The following SPMIP2 variants were observed in gnomAD, a reference collection of about 807,000 sequenced individuals.
The protein encoded by SPMIP2 is protein SPMIP2.
At chr4:158,952,351 GTTT>G in the SPMIP2 span, among the ~76,000 whole-genome samples, 1 of 152,136 alleles carries the variant, frequency 6.6e-6, no homozygotes, top group Non-Finnish European at 1.5e-5. Context: ...CATGGGGGTG[GTTT>G]TCCCCATATT....
the SPMIP2 span, among the ~76,000 whole-genome samples, chr4:159,009,197 A>G: frequency 2.0e-5 from 3 of 152,226 alleles, no homozygotes; most frequent in Admixed American, 6.5e-5. Flanking sequence ...TGATTATAGC[A>G]TGGCTTCTCA....
At chr4:159,074,876 G>A in the SPMIP2 span, among the ~76,000 whole-genome samples, 1 of 152,130 alleles carries the variant, frequency 6.6e-6, no homozygotes, top group Non-Finnish European at 1.5e-5. Context: ...GCTTAATAAA[G>A]AGACTATTTA....
At chr4:159,035,448 T>C in the SPMIP2 span, among the ~76,000 whole-genome samples, 4 of 152,152 alleles carry the variant, frequency 2.6e-5, no homozygotes, top group Non-Finnish European at 5.9e-5. Flanking sequence ...GTCACCACTG[T>C]CTTTCAACAT....
chr4:159,019,533 TG>T, the SPMIP2 span, among the ~76,000 whole-genome samples: 1 of 152,096 alleles, frequency 6.6e-6, no homozygotes, highest in East Asian at 1.9e-4. Context: ...TTCTGTTTGG[TG>T]CTTATCTGAA....
At chr4:158,960,818 G>C in the SPMIP2 span, among the ~76,000 whole-genome samples, 1 of 151,722 alleles carries the variant, frequency 6.6e-6, no homozygotes, top group Admixed American at 6.6e-5. Context: ...ACTCCTTTCA[G>C]AAGGCATAAT....
At chr4:158,987,711 A>G in the SPMIP2 span, among the ~76,000 whole-genome samples, 5 of 152,132 alleles carry the variant, frequency 3.3e-5, no homozygotes, top group African/African-American at 1.2e-4. Flanking sequence ...GCACACCAGC[A>G]TGGCACATGT....
the SPMIP2 span, among the ~76,000 whole-genome samples, chr4:158,954,878 G>A: frequency 2.0e-5 from 3 of 152,128 alleles, no homozygotes; most frequent in African/African-American, 7.2e-5. Context: ...CTGCCAATTC[G>A]TTGTTTGCTA....
the SPMIP2 span, among the ~76,000 whole-genome samples, chr4:158,952,727 A>G: frequency 6.6e-6 from 1 of 152,244 alleles, no homozygotes; most frequent in Admixed American, 6.5e-5. Flanking sequence ...GGCTTTGACC[A>G]GAAACCTGAT....
chr4:159,043,069 C>T, the SPMIP2 span, among the ~76,000 whole-genome samples: 1 of 152,328 alleles, frequency 6.6e-6, no homozygotes, highest in East Asian at 1.9e-4. Context: ...ATTCTTTCTA[C>T]CACTTAGCAA....
the SPMIP2 span, among the ~76,000 whole-genome samples, chr4:159,010,316 G>A: frequency 1.5e-4 from 23 of 152,320 alleles, no homozygotes; most frequent in Middle Eastern, 3.4e-3. Flanking sequence ...TTCACAGCAC[G>A]TGTTCATCCA....
At chr4:159,064,343 C>G in the SPMIP2 span, 6 of 151,992 alleles carry the variant, frequency 3.9e-5, no homozygotes, top group Admixed American at 3.9e-4. Flanking sequence ...AAGAGTAGAA[C>G]AAGGAGTTTG....
the SPMIP2 span, among the ~76,000 whole-genome samples, chr4:159,015,609 A>G: frequency 3.0e-4 from 46 of 152,254 alleles, no homozygotes; most frequent in African/African-American, 1.0e-3. Flanking sequence ...CAAGAGAAAC[A>G]GTCTATTCTA....
chr4:159,017,554 C>T, the SPMIP2 span, among the ~76,000 whole-genome samples: 1 of 152,046 alleles, frequency 6.6e-6, no homozygotes, highest in African/African-American at 2.4e-5. Context: ...GTGATTCCTC[C>T]CACCCCACCT....
chr4:158,947,534 G>A, the SPMIP2 span, among the ~76,000 whole-genome samples: 1 of 152,174 alleles, frequency 6.6e-6, no homozygotes, highest in African/African-American at 2.4e-5. Context: ...CAATTTAGGA[G>A]CCCTAACTAC....
At chr4:158,901,424 T>A in the SPMIP2 span, among the ~76,000 whole-genome samples, 1 of 152,156 alleles carries the variant, frequency 6.6e-6, no homozygotes, top group Non-Finnish European at 1.5e-5. Flanking sequence ...TTAACATTTT[T>A]TTCCTTCATT....
At chr4:158,895,854 TGTC>T in the SPMIP2 span, 2 of 1,611,764 alleles carry the variant, frequency 1.2e-6, no homozygotes, top group African/African-American at 2.7e-5. Context: ...AAGAATTAGG[TGTC>T]GTACTGGGGT....
chr4:159,018,477 T>C, the SPMIP2 span, among the ~76,000 whole-genome samples: 1 of 152,226 alleles, frequency 6.6e-6, no homozygotes, highest in Non-Finnish European at 1.5e-5. Context: ...TTTTCTAGTT[T>C]GCACTTTACA....
the SPMIP2 span, among the ~76,000 whole-genome samples, chr4:158,982,025 G>T: frequency 6.6e-6 from 1 of 152,052 alleles, no homozygotes; most frequent in Non-Finnish European, 1.5e-5. Context: ...TAAAGGGATG[G>T]AGGAATATTT....
the SPMIP2 span, among the ~76,000 whole-genome samples, chr4:159,052,518 G>A: frequency 1.3e-5 from 2 of 152,162 alleles, no homozygotes; most frequent in Non-Finnish European, 2.9e-5. Flanking sequence ...GAGAAGTTTT[G>A]TGGTTGGAAC....
Sources: allele counts gnomAD v4.1 joint callset (sites outside exome capture counted in the v4.1 genomes callset), GRCh38; gene constraint gnomAD v4.1.1; transcripts MANE v1.5; gene names NCBI Gene and HGNC (gene_info 2026-07-23, HGNC 2026-07-21).